GGNBP2: variants seen among roughly 807,000 people sequenced by gnomAD.
GGNBP2 encodes the protein gametogenetin binding protein 2, also known as gametogenetin-binding protein 2.
In GGNBP2, 10 loss-of-function variants were observed where a neutral mutation model predicts 85.9. That is an observed-to-expected ratio of 0.12 (90% confidence interval 0.07 to 0.20). The LOEUF (loss-of-function observed/expected upper bound fraction) is 0.20. GGNBP2 is among the 10% of genes least tolerant of loss of function. GGNBP2 has a pLI of 1.00. For missense variants in GGNBP2, 595 were observed against 857.8 expected (o/e 0.69, Z 3.83); for synonymous variants, 287 against 285.7 (o/e 1.00, Z -0.05).
chr17:36,566,868 T>G (rs2074473746), intron 5 of GGNBP2, among the ~76,000 whole-genome samples: 1 of 151,398 alleles, frequency 6.6e-6, no homozygotes, highest in African/African-American at 2.4e-5. Context: ...AAGGAGTGAT[T>G]ACAAAAAAAA....
intron 5 of GGNBP2, among the ~76,000 whole-genome samples, chr17:36,567,112 A>G (rs1190597613): frequency 3.3e-5 from 5 of 152,176 alleles, no homozygotes; most frequent in Non-Finnish European, 7.4e-5. Context: ...AAGGGAAAAT[A>G]CTTGATAATT....
At chr17:36,549,508 A>AAT (rs1172503976) in intron 2 of GGNBP2, among the ~76,000 whole-genome samples, 1 of 152,134 alleles carries the variant, frequency 6.6e-6, no homozygotes, top group Non-Finnish European at 1.5e-5. Flanking sequence ...ACCCGGCCAA[A>AAT]ATATATATTC....
chr17:36,578,374 T>C, intron 7 of GGNBP2, 188 bp downstream of exon 7: 1 of 540,058 alleles, frequency 1.9e-6, no homozygotes. Flanking sequence ...GAAAAACTGT[T>C]CTCTGGTGTT....
At position 36,585,417 on chromosome 17, in the gene GGNBP2, G is replaced by A; in HGVS notation, c.1333G>A (p.Gly445Ser). Residue 445 changes from glycine (G) to serine (S), a missense_variant, in exon 10 of 14, where the codon GGC becomes AGC. By Grantham distance (56) the Gly-to-Ser change is moderately conservative (BLOSUM62 0). Coordinates refer to ENST00000613102, the MANE Select transcript of GGNBP2 (RefSeq NM_024835.5). ...TACATCATGTACCTGTCCTAGCAGTGGCAATCTTTTGGGGTCCCCTAAAAT... is the reference window on the plus strand; with the variant it reads ...TACATCATGTACCTGTCCTAGCAGTAGCAATCTTTTGGGGTCCCCTAAAAT... The part of the protein sequence containing the change: ...ENTSCTCPSS[G>S]NLLGSPKIKK... The A allele has an allele frequency of 1.2e-6, 2 of 1,607,922 alleles. No individual in the cohort carries two copies. Among genetic ancestry groups the A allele is most frequent in the Non-Finnish European group, 1.7e-6 (2 of 1,177,374 alleles).
intron 6 of GGNBP2, chr17:36,576,625 GTGTGTATA>G (rs2074591574): frequency 8.9e-6 from 1 of 111,810 alleles, no homozygotes; most frequent in Admixed American, 9.8e-5. Context: ...GTGTGTGTGT[GTGTGTATA>G]TGTATATATG....
In GGNBP2 at chr17:36,584,689, C is replaced by T. The variant is rs1442011914; in HGVS notation, c.1216-611C>T. On this transcript the variant is annotated intron_variant, in intron 9 of 13. Coordinates refer to ENST00000613102, the MANE Select transcript of GGNBP2 (RefSeq NM_024835.5). The stretch of plus-strand genomic sequence containing the variant: ...GTTGACAGGGCGTGGAGGCTCATGC[C>T]TGTAATCCTAGCACTTTGGGAAGCC... Among the ~76,000 whole-genome samples, 7 of 152,166 alleles carry T rather than the reference C, an allele frequency of 4.6e-5. No individual in the cohort carries two copies. The East Asian group carries it at 1.3e-3, about 29-fold the overall frequency.
At chr17:36,547,782 G>A (rs181578971) in intron 2 of GGNBP2, 1 of 152,352 alleles carries the variant, frequency 6.6e-6, no homozygotes, top group East Asian at 1.9e-4. Context: ...AGGAAAAGGT[G>A]CAGTTTTTCT....
At chr17:36,546,980 G>A (rs2074261493) in intron 2 of GGNBP2, 1 of 152,090 alleles carries the variant, frequency 6.6e-6, no homozygotes, top group African/African-American at 2.4e-5. Flanking sequence ...AGGATTAGAA[G>A]AGCTATTGAA....
intron 5 of GGNBP2, among the ~76,000 whole-genome samples, chr17:36,562,989 G>C (rs2074434163): frequency 6.7e-6 from 1 of 148,526 alleles, no homozygotes; most frequent in African/African-American, 2.5e-5. Flanking sequence ...AAAAAGGCTG[G>C]GCGTGGTGGC....
intron 2 of GGNBP2, among the ~76,000 whole-genome samples, chr17:36,551,184 T>TA (rs976654440): frequency 2.6e-5 from 4 of 151,422 alleles, no homozygotes; most frequent in African/African-American, 7.3e-5. Flanking sequence ...GTTTTGTTTT[T>TA]AAAAATAACC....
intron 6 of GGNBP2, chr17:36,575,456 G>A (rs1354195914): frequency 6.2e-6 from 1 of 162,088 alleles, no homozygotes; most frequent in Admixed American, 6.4e-5. Flanking sequence ...CTAGTTTTAT[G>A]GTTTTCAGAT....
chr17:36,584,363 A>T (rs2074680059), intron 9 of GGNBP2, among the ~76,000 whole-genome samples: 1 of 151,754 alleles, frequency 6.6e-6, no homozygotes, highest in Admixed American at 6.6e-5. Context: ...TTTGAGACGG[A>T]GTCTCACTCT....
At chr17:36,557,413 T>G in intron 4 of GGNBP2, 77 bp downstream of exon 4, 3 of 1,215,164 alleles carry the variant, frequency 2.5e-6, no homozygotes, top group South Asian at 1.3e-5. Context: ...CTTATTTTCT[T>G]GATGGAAAGA....
chr17:36,563,970 C>G (rs925504529), intron 5 of GGNBP2, among the ~76,000 whole-genome samples: 44 of 152,224 alleles, frequency 2.9e-4, no homozygotes, highest in African/African-American at 9.9e-4. Context: ...TCTCGAACTC[C>G]TGACCTCAGG....
At chr17:36,583,363 A>G (rs2074670401) in intron 9 of GGNBP2, among the ~76,000 whole-genome samples, 1 of 151,348 alleles carries the variant, frequency 6.6e-6, no homozygotes, top group Non-Finnish European at 1.5e-5. Flanking sequence ...AATATACTAG[A>G]TTCTTATATC....
chr17:36,546,717 T>G (rs1186475171), intron 2 of GGNBP2: 13 of 152,244 alleles, frequency 8.5e-5, no homozygotes, highest in Admixed American at 7.2e-4. Context: ...AATCTGCGTT[T>G]TGATGATGCT....
rs1044781081 is a variant in GGNBP2 at position 36,586,940 on chromosome 17, A to C, written c.1642-57A>C. ...CGCTTTTTTTTTTTTTTTTTTAAAG[A>C]ATAATTGCTATTATATCATGCCTTT... On this transcript the variant is annotated intron_variant, in intron 12 of 13. Coordinates refer to ENST00000613102, the MANE Select transcript of GGNBP2 (RefSeq NM_024835.5). 18 of 1,473,510 alleles carry C rather than the reference A, an allele frequency of 1.2e-5. No individual in the cohort carries two copies. The African/African-American group carries it at 2.6e-4, about 21-fold the overall frequency. The allele number at this position is 1,473,510 out of a possible 1,614,324, so 91.3% of individuals were successfully genotyped here.
At chr17:36,586,526 G>A in intron 12 of GGNBP2, 1 of 327,612 alleles carries the variant, frequency 3.1e-6, no homozygotes, top group South Asian at 3.9e-5. Context: ...ATTGGCAGGT[G>A]TGGCATAGTG....
chr17:36,559,380 A>AGC (rs1210311754), intron 4 of GGNBP2, among the ~76,000 whole-genome samples: 1 of 151,744 alleles, frequency 6.6e-6, no homozygotes, highest in Non-Finnish European at 1.5e-5. Context: ...AATGTAACAG[A>AGC]GCTCATCTTT....
Sources: allele counts gnomAD v4.1 joint callset (sites outside exome capture counted in the v4.1 genomes callset), GRCh38; gene constraint gnomAD v4.1.1; transcripts MANE v1.5; gene names NCBI Gene and HGNC (gene_info 2026-07-23, HGNC 2026-07-21).